The following DOCK2 variants were observed in gnomAD, a reference collection of about 807,000 sequenced individuals.
DOCK2 encodes the protein dedicator of cytokinesis protein 2.
In DOCK2, 87 loss-of-function variants were observed where a neutral mutation model predicts 248.9. That is an observed-to-expected ratio of 0.35 (90% CI 0.29 to 0.42). DOCK2 has a LOEUF of 0.42. Ranked by LOEUF, DOCK2 falls within the 10% of genes least tolerant of loss-of-function variation. DOCK2 has a pLI of 1.00. For synonymous variants in DOCK2, 805 were observed against 821.6 expected (o/e 0.98, Z 0.35); for missense variants, 1,747 against 2,300.2 (o/e 0.76, Z 4.92).
At chr5:169,675,224 C>T (rs944382770) in intron 6 of DOCK2, among the ~76,000 whole-genome samples, 1 of 152,180 alleles carries the variant, frequency 6.6e-6, no homozygotes, top group Non-Finnish European at 1.5e-5. Context: ...GCTCCAGGGT[C>T]CACCTGGAGT....
intron 25 of DOCK2, among the ~76,000 whole-genome samples, chr5:169,794,223 T>C (rs1043357484): frequency 2.6e-5 from 4 of 152,086 alleles, no homozygotes; most frequent in Non-Finnish European, 4.4e-5. Flanking sequence ...GAACTCCTCA[T>C]AGGATTGAGT....
Position 169,711,941 on chromosome 5 carries a change from G to C in DOCK2, c.1489G>C (p.Val497Leu). 6.2e-7 allele frequency: 1 copy of C among 1,613,968 alleles called. No homozygotes were observed. The highest frequency in any genetic ancestry group is 8.5e-7 in the Non-Finnish European group (1 of 1,179,934). ...TCTGTTTCTGTCTGCTGAGGTGGCT[G>C]TCCCTATTGAAGACATGCAGAGGAT... is the stretch of plus-strand genomic sequence containing the variant. The part of the protein sequence containing the change: ...PRWMETVKVA[V>L]PIEDMQRIHL... Residue 497 changes from valine to leucine, a missense_variant, in exon 16 of 52, where the codon GTC becomes CTC. By Grantham distance (32) the Val-to-Leu change is conservative. This residue lies in a region of DOCK2 where 858 missense variants were observed against 1,183.5 expected (regional missense o/e 0.72). Coordinates refer to ENST00000520908, the MANE Select transcript of DOCK2 (RefSeq NM_004946.3).
chr5:169,934,742 G>A (rs1202817322), intron 27 of DOCK2: 16 of 455,962 alleles, frequency 3.5e-5, no homozygotes, highest in Non-Finnish European at 5.7e-5. Context: ...GGCTGCTCAC[G>A]GGATCAGTGC....
chr5:169,951,227 C>T (rs899584744), intron 27 of DOCK2, among the ~76,000 whole-genome samples: 14 of 152,206 alleles, frequency 9.2e-5, no homozygotes, highest in African/African-American at 3.4e-4. Flanking sequence ...TGTGGGAAGA[C>T]TTTGGGCTTT....
intron 50 of DOCK2, 175 bp downstream of exon 50, chr5:170,080,458 C>T: frequency 1.0e-6 from 1 of 973,912 alleles, no homozygotes; most frequent in South Asian, 1.8e-5. Flanking sequence ...CCCACCACTT[C>T]CTGGGGGTGA....
intron 27 of DOCK2, among the ~76,000 whole-genome samples, chr5:169,906,002 C>T (rs1774254617): frequency 6.6e-6 from 1 of 152,168 alleles, no homozygotes; most frequent in Admixed American, 6.5e-5. Context: ...TTTTCTCTTA[C>T]ACAAGGTTTA....
At chr5:170,023,041 A>G (rs1875478) in intron 33 of DOCK2, among the ~76,000 whole-genome samples, 89,724 of 152,042 alleles carry the variant, frequency 0.59, 28,779 homozygotes, top group African/African-American at 0.86. Flanking sequence ...CTTTGTGGAA[A>G]GAGGGGATGT....
chr5:169,930,270 T>C (rs1775683418), intron 27 of DOCK2, among the ~76,000 whole-genome samples: 1 of 152,144 alleles, frequency 6.6e-6, no homozygotes, highest in Non-Finnish European at 1.5e-5. Context: ...GATTACAGGC[T>C]TGAGCCACCG....
In DOCK2 at chr5:170,067,510, A is replaced by G. The variant is rs773452522; in HGVS notation, c.4468A>G (p.Thr1490Ala). Residue 1490 changes from threonine (T) to alanine (A), a missense_variant and splice_region_variant, in exon 45 of 52, where the codon ACC (threonine) becomes GCC (alanine). Transcript: ENST00000520908. ...RWFEVVHMSQ[T>A]TISPLENAIE... ...TTCTTGGTGATCTCATTTTCAACAG[A>G]CCACAATTAGTCCTCTGGAGAATGC... 2 of 1,613,272 alleles carry G rather than the reference A, an allele frequency of 1.2e-6. No homozygotes were observed. The highest frequency in any genetic ancestry group is 1.7e-6 in the Non-Finnish European group (2 of 1,179,588).
intron 27 of DOCK2, among the ~76,000 whole-genome samples, chr5:169,972,368 G>T (rs1485988248): frequency 6.6e-6 from 1 of 152,108 alleles, no homozygotes; most frequent in Non-Finnish European, 1.5e-5. Context: ...CTTGGGGCTG[G>T]ATCATTTTCT....
Position 169,654,389 on chromosome 5 carries a change from T to C in DOCK2, c.44-14T>C, listed in dbSNP as rs771834553. ...TAGAGGTCTCACCTAGCTGTCTTTC[T>C]TTCTGTTTCACAGCCATATACAACT... On this transcript the variant is annotated splice_polypyrimidine_tract_variant and intron_variant, in intron 1 of 51. Transcript: ENST00000520908. 47 of 1,614,004 alleles carry C rather than the reference T, an allele frequency of 2.9e-5. No individual in the cohort carries two copies. Among genetic ancestry groups the C allele is most frequent in the Non-Finnish European group, 3.8e-5 (45 of 1,179,982 alleles).
At chr5:169,662,402 T>G (rs1001211649) in intron 2 of DOCK2, among the ~76,000 whole-genome samples, 3 of 152,218 alleles carry the variant, frequency 2.0e-5, no homozygotes, top group African/African-American at 7.2e-5. Context: ...TTTCCCTAAT[T>G]CACAGGTTTT....
At chr5:169,811,778 T>G (rs1469077665) in intron 26 of DOCK2, among the ~76,000 whole-genome samples, 2 of 152,174 alleles carry the variant, frequency 1.3e-5, no homozygotes, top group Non-Finnish European at 2.9e-5. Context: ...TCAGAGAGGC[T>G]AGGTGACATT....
rs375543117 is a variant in DOCK2, at chr5:169,712,271, AAG to A, written c.1659+49_1659+50del. The A allele has an allele frequency of 3.2e-5, 51 of 1,581,728 alleles. No homozygotes were observed. In the Middle Eastern group the frequency reaches 1.0e-3, roughly 31 times the overall value. On this transcript the variant is annotated intron_variant, in intron 17 of 51. Transcript: ENST00000520908. ...CTGCACTGAGGGGAGTGCAGGAAGA[AAG>A]GGGGTGATGGCAAAATTGCTTAGTG...
intron 27 of DOCK2, among the ~76,000 whole-genome samples, chr5:169,929,382 C>T (rs950931868): frequency 5.9e-5 from 9 of 151,842 alleles, no homozygotes; most frequent in African/African-American, 2.2e-4. Flanking sequence ...AAAGCGAATC[C>T]CGGCAAACGA....
intron 44 of DOCK2, among the ~76,000 whole-genome samples, chr5:170,059,674 C>A (rs1391961923): frequency 6.6e-6 from 1 of 152,168 alleles, no homozygotes; most frequent in African/African-American, 2.4e-5. Context: ...TTATTTTCTG[C>A]CATACCTCCA....
Position 170,034,410 on chromosome 5 carries a change from G to A in DOCK2, c.3479G>A (p.Cys1160Tyr). The A allele has an allele frequency of 6.2e-7, 1 of 1,614,108 alleles. No homozygotes were observed. The highest frequency in any genetic ancestry group is 8.5e-7 in the Non-Finnish European group (1 of 1,180,010). ...MQLLESILME[C>Y]AAEHPTIAKS... ...GGTCTCTGCCGCAGCCTGATGGAAT[G>A]TGCTGCAGAGCACCCAACCATTGCC... The change falls in exon 35 of 52, where the codon TGT becomes TAT. Residue 1160 changes from cysteine (C) to tyrosine (Y), a missense_variant. Coordinates refer to ENST00000520908, the MANE Select transcript of DOCK2 (RefSeq NM_004946.3).
At chr5:170,001,606 TA>T (rs1197086811) in intron 30 of DOCK2, among the ~76,000 whole-genome samples, 2 of 152,196 alleles carry the variant, frequency 1.3e-5, no homozygotes, top group Non-Finnish European at 2.9e-5. Context: ...ACAAATCTCA[TA>T]TTTTTTTTAG....
chr5:169,768,775 C>T (rs1262582546), intron 25 of DOCK2, among the ~76,000 whole-genome samples: 2 of 152,196 alleles, frequency 1.3e-5, no homozygotes, highest in Admixed American at 1.3e-4. Flanking sequence ...TGTGCTCTAG[C>T]CTCATAGTGG....
Sources: allele counts gnomAD v4.1 joint callset (sites outside exome capture counted in the v4.1 genomes callset), GRCh38; gene constraint gnomAD v4.1.1; regional missense constraint gnomAD v4.1.1; transcripts MANE v1.5; gene names NCBI Gene and HGNC (gene_info 2026-07-23, HGNC 2026-07-21).